ABCD4: variants seen among roughly 807,000 people sequenced by gnomAD.
ABCD4 encodes lysosomal cobalamin transporter ABCD4.
In ABCD4, 53 loss-of-function variants were observed where a neutral mutation model predicts 86.3. The observed-to-expected ratio is 0.61, with a 90% confidence interval of 0.49 to 0.77. The LOEUF (loss-of-function observed/expected upper bound fraction) is 0.77, where lower values mean the gene tolerates loss of function less well. ABCD4 is among the 30% of genes least tolerant of loss of function. ABCD4 has a pLI of 0.00. For synonymous variants in ABCD4, 328 were observed against 313.6 expected, an observed-to-expected ratio of 1.05 and a Z score of -0.49; for missense variants, 757 against 764.5, an observed-to-expected ratio of 0.99 and a Z score of 0.12.
rs2081740329 is a variant in ABCD4 at position 74,292,340 on chromosome 14, G to A, written c.1065C>T (p.Ser355=). 1 of 1,614,048 alleles carries A rather than the reference G, an allele frequency of 6.2e-7. No homozygotes were observed. The highest frequency in any genetic ancestry group is 8.5e-7 in the Non-Finnish European group (1 of 1,180,034). Reference sequence around the variant, plus strand: ...GGATCTCGCAGTCCTGTGACTTCAGGGACATGTCCAGAAGCGTCTCCCGAA... The same window carrying A: ...GGATCTCGCAGTCCTGTGACTTCAGAGACATGTCCAGAAGCGTCTCCCGAA... The part of the protein sequence containing the change: ...GQLRETLLDM[S]LKSQDCEILG... The change falls in exon 11 of 19, where the codon TCC becomes TCT. Residue 355 remains serine, a synonymous_variant. Coordinates refer to ENST00000356924, the MANE Select transcript of ABCD4 (RefSeq NM_005050.4).
rs113510747 is a variant in ABCD4, at chr14:74,296,033, C to T, written c.543-54G>A. The T allele has an allele frequency of 4.5e-6, 7 of 1,548,900 alleles. No homozygotes were observed. The African/African-American group carries it at 5.5e-5, about 12-fold the overall frequency. The stretch of plus-strand genomic sequence containing the variant: ...AGAGGGTGTGGGGTGCCACCTATCC[C>T]CACATGCCTCAGCCCTGACTCCTGT... On this transcript the variant is annotated intron_variant, in intron 5 of 18. Transcript: ENST00000356924.
In ABCD4 at chr14:74,299,610, C is replaced by G. The variant is rs1454222268; in HGVS notation, c.223G>C (p.Asp75His). Residue 75 changes from aspartate to histidine, a missense_variant, in exon 3 of 19, where the codon GAC becomes CAC. Physicochemically the swap from Asp to His is moderately conservative, Grantham distance 81. Coordinates refer to ENST00000356924, the MANE Select transcript of ABCD4 (RefSeq NM_005050.4). ...GTCAGAGTCTTAAACCCTTCCAAGT[C>G]TTTGTTTCCCAGGACCCCATAGTAC... Reference protein sequence around the residue: ...SQYYGVLGNKDLEGFKTLTFL... With the variant: ...SQYYGVLGNKHLEGFKTLTFL... 1 of 1,613,922 alleles carries G rather than the reference C, an allele frequency of 6.2e-7. No individual in the cohort carries two copies. Among genetic ancestry groups the G allele is most frequent in the Non-Finnish European group, 8.5e-7 (1 of 1,179,962 alleles).
intron 3 of ABCD4, 95 bp from the exon 4 acceptor site, chr14:74,298,164 C>G: frequency 6.6e-7 from 1 of 1,525,238 alleles, no homozygotes; most frequent in South Asian, 1.3e-5. Flanking sequence ...CTGACCCATC[C>G]CAGCCCACTC....
At chr14:74,289,174 G>C in intron 14 of ABCD4, 1 of 1,262,946 alleles carries the variant, frequency 7.9e-7, no homozygotes, top group Non-Finnish European at 9.9e-7. Flanking sequence ...ATGCAGGGGT[G>C]GGGGCCTCAG....
chr14:74,289,521 T>A lies in ABCD4; in HGVS notation c.1420-2A>T. ...GACCTCCTTCAGGGGATATATCACC[T>A]GAGAAAAGAAAAAAACCACACCAAC... On this transcript the variant is annotated splice_acceptor_variant, in intron 13 of 18. Transcript: ENST00000356924. LOFTEE classifies it high-confidence loss of function. The A allele has an allele frequency of 6.2e-7, 1 of 1,613,328 alleles. No individual in the cohort carries two copies. Among genetic ancestry groups the A allele is most frequent in the Non-Finnish European group, 8.5e-7 (1 of 1,179,738 alleles).
intron 2 of ABCD4, 125 bp downstream of exon 2, chr14:74,300,025 T>C: frequency 1.6e-6 from 1 of 623,058 alleles, no homozygotes; most frequent in South Asian, 2.0e-5. Flanking sequence ...ATTATGTCAC[T>C]GCACTCCAGC....
intron 4 of ABCD4, chr14:74,297,670 C>T: frequency 1.7e-6 from 2 of 1,144,848 alleles, no homozygotes; most frequent in Non-Finnish European, 2.2e-6. Flanking sequence ...AGTGATCCTC[C>T]TGCCTCAGCC....
At chr14:74,299,355 G>C in intron 3 of ABCD4, 193 bp downstream of exon 3, 2 of 622,610 alleles carry the variant, frequency 3.2e-6, no homozygotes, top group East Asian at 3.2e-5. Flanking sequence ...AACATCTGAG[G>C]AATCAGTCCC....
chr14:74,300,808 G>C (rs17182959), intron 1 of ABCD4, among the ~76,000 whole-genome samples: 1 of 151,952 alleles, frequency 6.6e-6, no homozygotes, highest in African/African-American at 2.4e-5. Context: ...GATTAAGTTA[G>C]AAGACTTGGA....
chr14:74,286,851 C>A, intron 17 of ABCD4, 35 bp from the exon 18 acceptor site: 5 of 1,589,946 alleles, frequency 3.1e-6, no homozygotes, highest in Non-Finnish European at 4.3e-6. Flanking sequence ...GAGATCAAAG[C>A]CCTGCCCTCT....
intron 14 of ABCD4, 91 bp from the exon 15 acceptor site, chr14:74,288,856 G>A (rs2080591888): frequency 1.3e-6 from 2 of 1,493,166 alleles, no homozygotes; most frequent in African/African-American, 1.4e-5. Flanking sequence ...GCTCACGCCT[G>A]TAATCCCAAC....
intron 1 of ABCD4, 62 bp from the exon 2 acceptor site, chr14:74,300,330 T>C (rs2084079181): frequency 9.2e-7 from 1 of 1,084,864 alleles, no homozygotes; most frequent in Admixed American, 1.8e-5. Flanking sequence ...TAGGGAGTAG[T>C]TATTAAGCTC....
chr14:74,292,772 T>G lies in ABCD4; in HGVS notation c.912A>C (p.Ala304=), dbSNP rs781668715. The G allele has an allele frequency of 6.8e-6, 11 of 1,613,996 alleles. No individual in the cohort carries two copies. Among genetic ancestry groups the G allele is most frequent in the Non-Finnish European group, 8.5e-6 (10 of 1,180,002 alleles). The stretch of plus-strand genomic sequence containing the variant: ...CCTTGCTGACCAGGGTGCTAAGCTC[T>G]GCGGGACTCAGGTCTCCATAGACCC... ...FSGVYGDLSP[A]ELSTLVSKNA... is the part of the protein sequence containing the mutation. Residue 304 remains alanine (A), a synonymous_variant, in exon 9 of 19, where the codon GCA becomes GCC. Coordinates refer to ENST00000356924, the MANE Select transcript of ABCD4 (RefSeq NM_005050.4).
At chr14:74,288,121 G>A in intron 16 of ABCD4, 86 bp downstream of exon 16, 3 of 1,452,130 alleles carry the variant, frequency 2.1e-6, no homozygotes, top group East Asian at 2.3e-5. Context: ...TTGGGGTCAG[G>A]AGCCGTTCCA....
intron 7 of ABCD4, 184 bp from the exon 8 acceptor site, chr14:74,293,432 G>C (rs1004323453): frequency 1.8e-6 from 1 of 550,160 alleles, no homozygotes; most frequent in Non-Finnish European, 3.2e-6. Flanking sequence ...TTGTCTGTGT[G>C]AAGAACATAA....
rs145903762 is a variant in ABCD4, at chr14:74,300,712, G to T, written c.39-444C>A. Among the ~76,000 whole-genome samples, 1,173 of 152,194 alleles carry T rather than the reference G, an allele frequency of 7.7e-3. 8 individuals are homozygous for T. Among genetic ancestry groups the T allele is most frequent in the African/African-American group, 0.027 (1,112 of 41,526 alleles). ...AGGAAATGTAGAAAAATGTCTTAAT[G>T]AAGATACCTTAAAAACCTATACAGG... On this transcript the variant is annotated intron_variant, in intron 1 of 18. Coordinates refer to ENST00000356924, the MANE Select transcript of ABCD4 (RefSeq NM_005050.4).
rs199576160 is a variant in ABCD4 at position 74,296,364 on chromosome 14, G to A, written c.511C>T (p.Leu171Phe). The A allele has an allele frequency of 9.3e-6, 15 of 1,614,092 alleles. No homozygotes were observed. The African/African-American group carries it at 1.9e-4, about 20-fold the overall frequency. ...ASKLIISPFT[L>F]VYYTYQCFQS... ...AAGCACTGGTAAGTGTAGTAGACGA[G>A]GGTGAACGGGGAGATGATGAGCTTG... The change falls in exon 5 of 19, where the codon CTC becomes TTC. Residue 171 changes from leucine (L) to phenylalanine (F), a missense_variant. By Grantham distance (22) the Leu-to-Phe change is conservative. Transcript: ENST00000356924.
At chr14:74,288,880 G>A (rs1032023372) in intron 14 of ABCD4, 115 bp from the exon 15 acceptor site, 11 of 1,298,848 alleles carry the variant, frequency 8.5e-6, no homozygotes, top group African/African-American at 7.4e-5. Context: ...TTGGGAGGCC[G>A]AGGCAGGTGG....
intron 17 of ABCD4, among the ~76,000 whole-genome samples, chr14:74,287,551 C>CAAAA (rs67310859): frequency 2.8e-5 from 3 of 107,298 alleles, no homozygotes; most frequent in Non-Finnish European, 5.8e-5. Context: ...GAGACTGTCT[C>CAAAA]AAAAAAAAAA....
Sources: gnomAD v4.1 joint callset for allele counts (sites outside exome capture counted in the v4.1 genomes callset) on GRCh38, gnomAD v4.1.1 for gene constraint, MANE v1.5 for transcripts, NCBI Gene and HGNC (gene_info 2026-07-23, HGNC 2026-07-21) for gene names.